The following COL22A1 variants were observed in gnomAD, a reference collection of about 807,000 sequenced individuals.
COL22A1 encodes collagen alpha-1(XXII) chain.
COL22A1 carries 221 observed loss-of-function variants against 248.9 expected under a neutral mutation model. The ratio of observed to expected loss-of-function variants is 0.89; its 90% CI spans 0.80 to 0.99. COL22A1 has a LOEUF of 0.99. Ranked by LOEUF, COL22A1 falls within the 50% of genes least tolerant of loss-of-function variation. COL22A1 has a pLI of 0.00. For synonymous variants in COL22A1, 891 were observed against 793.4 expected, an observed-to-expected ratio of 1.12 and a Z score of -2.07; for missense variants, 2,240 against 2,179.0, an observed-to-expected ratio of 1.03 and a Z score of -0.56.
At chr8:138,900,600 C>G (rs1456977820) in intron 1 of COL22A1, among the ~76,000 whole-genome samples, 2 of 152,222 alleles carry the variant, frequency 1.3e-5, no homozygotes, top group Admixed American at 6.5e-5. Context: ...CAAGCCATAT[C>G]TGTGTATTCT....
intron 1 of COL22A1, among the ~76,000 whole-genome samples, chr8:138,903,396 T>A (rs1814764069): frequency 6.6e-6 from 1 of 152,192 alleles, no homozygotes; most frequent in African/African-American, 2.4e-5. Context: ...ATGTTGTGGT[T>A]TGAGTTTTAT....
At position 138,905,148 on chromosome 8, in the gene COL22A1, T is replaced by C. The variant is rs114215822; in HGVS notation, c.-73+8471A>G. Reference sequence around the variant, plus strand: ...GCTCTTGATAAAAGAAAGCTGTCATTACCAAAGAATCTTTTTCAGTGCTTC... The same window carrying C: ...GCTCTTGATAAAAGAAAGCTGTCATCACCAAAGAATCTTTTTCAGTGCTTC... On this transcript the variant is annotated intron_variant, in intron 1 of 64. Transcript: ENST00000303045. Among the ~76,000 whole-genome samples, 1,150 of 152,328 alleles carry C rather than the reference T, an allele frequency of 7.5e-3. 16 individuals are homozygous for C. Among genetic ancestry groups the C allele is most frequent in the African/African-American group, 0.026 (1,087 of 41,576 alleles).
intron 44 of COL22A1, among the ~76,000 whole-genome samples, chr8:138,659,737 T>A (rs1823615324): frequency 6.6e-6 from 1 of 152,192 alleles, no homozygotes; most frequent in Non-Finnish European, 1.5e-5. Context: ...GTGCCTCGCA[T>A]CAGGGAAGCC....
At chr8:138,895,688 A>C (rs143442506) in intron 1 of COL22A1, among the ~76,000 whole-genome samples, 1 of 152,304 alleles carries the variant, frequency 6.6e-6, no homozygotes, top group South Asian at 2.1e-4. Flanking sequence ...ATAGCAATAT[A>C]CATAACTTTC....
intron 12 of COL22A1, 56 bp downstream of exon 12, chr8:138,796,763 A>T: frequency 1.7e-6 from 2 of 1,204,476 alleles, no homozygotes; most frequent in Non-Finnish European, 2.5e-6. Context: ...CCTCCCCCAA[A>T]CCTAAGTCCT....
intron 4 of COL22A1, among the ~76,000 whole-genome samples, chr8:138,839,104 T>C (rs1820667292): frequency 6.6e-6 from 1 of 152,202 alleles, no homozygotes; most frequent in African/African-American, 2.4e-5. Context: ...ATTTGATCTG[T>C]TTCTCCATCC....
At chr8:138,715,568 TTAAAA>T (rs1309749217) in intron 30 of COL22A1, 109 bp downstream of exon 30, 29,899 of 428,062 alleles carry the variant, frequency 0.07, 280 homozygotes, top group Middle Eastern at 0.079. Context: ...GACTCTCATT[TTAAAA>T]AAAAAAAAAA....
chr8:138,731,502 C>T (rs1482284045), intron 23 of COL22A1, among the ~76,000 whole-genome samples: 1 of 152,000 alleles, frequency 6.6e-6, no homozygotes, highest in African/African-American at 2.4e-5. Flanking sequence ...ATGCGGTGAC[C>T]AGCTGGATTG....
chr8:138,833,144 T>TCAAA lies in COL22A1; in HGVS notation c.736_739dup (p.Asp247ValfsTer2). ...CTTCACACTGAACAAATCCATCAGG[T>TCAAA]CAAAACCTGTACAAAGAGAAGAGCT... On this transcript the variant is annotated stop_gained and frameshift_variant, in exon 5 of 65. Transcript: ENST00000303045. LOFTEE classifies it high-confidence loss of function. 6.2e-7 allele frequency: 1 copy of TCAAA among 1,607,964 alleles called. No individual in the cohort carries two copies. The highest frequency in any genetic ancestry group is 8.5e-7 in the Non-Finnish European group (1 of 1,174,404).
chr8:138,879,973 G>T (rs1824064463), intron 2 of COL22A1, among the ~76,000 whole-genome samples: 1 of 152,208 alleles, frequency 6.6e-6, no homozygotes, highest in African/African-American at 2.4e-5. Flanking sequence ...CCATGGACTT[G>T]TCACACCCTC....
chr8:138,631,691 T>C (rs1013048248), intron 49 of COL22A1, among the ~76,000 whole-genome samples: 1 of 22,010 alleles, frequency 4.5e-5, no homozygotes, highest in Non-Finnish European at 1.2e-4. Flanking sequence ...CCCTCACATA[T>C]GCACAGCCTC....
intron 1 of COL22A1, among the ~76,000 whole-genome samples, chr8:138,893,312 C>T (rs1290439637): frequency 6.6e-6 from 1 of 152,198 alleles, no homozygotes; most frequent in African/African-American, 2.4e-5. Context: ...TGTTCAAATT[C>T]CAATTATGCT....
At chr8:138,657,202 G>A (rs892270769) in intron 44 of COL22A1, among the ~76,000 whole-genome samples, 2 of 152,214 alleles carry the variant, frequency 1.3e-5, no homozygotes, top group Non-Finnish European at 2.9e-5. Context: ...CTAAAGCCAA[G>A]GCCAACACCT....
intron 3 of COL22A1, among the ~76,000 whole-genome samples, chr8:138,859,778 C>T (rs1361271826): frequency 6.6e-6 from 1 of 152,196 alleles, no homozygotes; most frequent in East Asian, 1.9e-4. Context: ...AAGGGATGGG[C>T]ATCGGTGTGG....
chr8:138,905,611 C>A (rs1236683050), intron 1 of COL22A1, among the ~76,000 whole-genome samples: 1 of 152,206 alleles, frequency 6.6e-6, no homozygotes, highest in African/African-American at 2.4e-5. Context: ...AGTTTCCATT[C>A]TGAGAGTGAG....
At chr8:138,851,991 G>T (rs746695094) in intron 3 of COL22A1, among the ~76,000 whole-genome samples, 1 of 152,132 alleles carries the variant, frequency 6.6e-6, no homozygotes, top group Non-Finnish European at 1.5e-5. Flanking sequence ...GTGGTTGGAG[G>T]TGTTGGATGT....
At chr8:138,727,546 T>C (rs1830407849) in intron 23 of COL22A1, among the ~76,000 whole-genome samples, 3 of 152,152 alleles carry the variant, frequency 2.0e-5, no homozygotes, top group African/African-American at 7.2e-5. Flanking sequence ...AGAACAACAC[T>C]GCATGGCCAC....
chr8:138,894,586 G>A (rs1825276338), intron 1 of COL22A1, among the ~76,000 whole-genome samples: 1 of 152,154 alleles, frequency 6.6e-6, no homozygotes, highest in Non-Finnish European at 1.5e-5. Flanking sequence ...AAAGGCAGAT[G>A]GGCACTTGAG....
intron 32 of COL22A1, among the ~76,000 whole-genome samples, chr8:138,695,419 C>A (rs1243633617): frequency 6.6e-6 from 1 of 152,038 alleles, no homozygotes; most frequent in Non-Finnish European, 1.5e-5. Context: ...TTCTTGAAAT[C>A]CTGGGCTCAA....
Sources: allele counts gnomAD v4.1 joint callset (sites outside exome capture counted in the v4.1 genomes callset), GRCh38; gene constraint gnomAD v4.1.1; transcripts MANE v1.5; gene names NCBI Gene and HGNC (gene_info 2026-07-23, HGNC 2026-07-21).